SYNE3: variants seen among roughly 807,000 people sequenced by gnomAD.
SYNE3 encodes nesprin-3.
Under a neutral mutation model 111.2 loss-of-function variants are expected in SYNE3, and 100 were observed. The observed-to-expected ratio is 0.90, with a 90% confidence interval of 0.77 to 1.06. The LOEUF (loss-of-function observed/expected upper bound fraction) is 1.06, where lower values mean the gene tolerates loss of function less well. Ranked by LOEUF, SYNE3 falls within the 50% of genes least tolerant of loss-of-function variation. The pLI, the probability that SYNE3 is intolerant of heterozygous loss-of-function variation, is 0.00. For missense variants in SYNE3, 1,160 were observed against 1,240.3 expected, an observed-to-expected ratio of 0.94 and a Z score of 0.97; for synonymous variants, 547 against 533.9, an observed-to-expected ratio of 1.02 and a Z score of -0.34.
intron 1 of SYNE3, among the ~76,000 whole-genome samples, chr14:95,503,972 G>A (rs1364194662): frequency 6.6e-6 from 1 of 152,138 alleles, no homozygotes; most frequent in East Asian, 1.9e-4. Flanking sequence ...GCTCAAACCT[G>A]CAAGACTCAC....
chr14:95,466,504 T>C (rs960380127), intron 3 of SYNE3, among the ~76,000 whole-genome samples: 1 of 152,110 alleles, frequency 6.6e-6, no homozygotes, highest in African/African-American at 2.4e-5. Flanking sequence ...GACTCCAAAC[T>C]TCCTCCCAGA....
At chr14:95,481,906 A>G (rs1173172675) in intron 1 of SYNE3, among the ~76,000 whole-genome samples, 1 of 152,262 alleles carries the variant, frequency 6.6e-6, no homozygotes, top group Non-Finnish European at 1.5e-5. Context: ...CCCGAGGCAG[A>G]TCGCCTGCTG....
chr14:95,502,832 G>A (rs1292512050), intron 1 of SYNE3, among the ~76,000 whole-genome samples: 1 of 152,212 alleles, frequency 6.6e-6, no homozygotes, highest in Non-Finnish European at 1.5e-5. Flanking sequence ...ACAGGACTCA[G>A]AAAAACTTAA....
chr14:95,478,413 A>G (rs1889021524), intron 1 of SYNE3, among the ~76,000 whole-genome samples: 1 of 152,154 alleles, frequency 6.6e-6, no homozygotes, highest in South Asian at 2.1e-4. Flanking sequence ...GGTCGATGTT[A>G]CTGTGACCCC....
At chr14:95,489,148 C>G (rs1226734973) in intron 1 of SYNE3, among the ~76,000 whole-genome samples, 1 of 152,242 alleles carries the variant, frequency 6.6e-6, no homozygotes, top group Non-Finnish European at 1.5e-5. Context: ...GCAGGCAACT[C>G]TCTGAGGACA....
At chr14:95,456,203 T>C in intron 5 of SYNE3, 1 of 174,874 alleles carries the variant, frequency 5.7e-6, no homozygotes. Context: ...AATGAGTCCA[T>C]TTAAATACAA....
In SYNE3 at chr14:95,409,060, C is replaced by A. The variant is rs776162465; in HGVS notation, c.*8766G>T. The A allele has an allele frequency of 2.3e-6, 1 of 433,820 alleles. No individual in the cohort carries two copies. Among genetic ancestry groups the A allele is most frequent in the Admixed American group, 2.4e-5 (1 of 41,146 alleles). 26.9% of individuals were successfully genotyped at this position (433,820 alleles called of 1,614,324 possible). ...TGCTGCCCCTGCTTTGGAATGTTGC[C>A]CTCCAGCTAACTCACCAGCTGCCAG... On this transcript the variant is annotated 3_prime_UTR_variant, in exon 18 of 18. Coordinates refer to ENST00000682763, the MANE Select transcript of SYNE3 (RefSeq NM_152592.6).
intron 15 of SYNE3, 53 bp from the exon 16 acceptor site, chr14:95,433,462 C>T: frequency 1.2e-6 from 2 of 1,603,454 alleles, no homozygotes; most frequent in East Asian, 2.2e-5. Flanking sequence ...CAGACAGCCC[C>T]ACCTGAATGG....
chr14:95,488,140 G>T (rs941231769), intron 1 of SYNE3, among the ~76,000 whole-genome samples: 3 of 152,068 alleles, frequency 2.0e-5, no homozygotes, highest in South Asian at 4.2e-4. Context: ...TATCAGTAAG[G>T]CTTCCAGTCA....
chr14:95,442,946 T>A (rs1348228464), intron 11 of SYNE3, among the ~76,000 whole-genome samples: 1 of 152,116 alleles, frequency 6.6e-6, no homozygotes, highest in African/African-American at 2.4e-5. Flanking sequence ...GCTACCTCCA[T>A]CCTTAGGGCC....
At chr14:95,434,045 G>T (rs1885944523) in intron 15 of SYNE3, among the ~76,000 whole-genome samples, 3 of 152,034 alleles carry the variant, frequency 2.0e-5, no homozygotes, top group African/African-American at 7.3e-5. Context: ...GGAACGGAAA[G>T]TCATTTCTGA....
chr14:95,481,699 C>T (rs17092515), intron 1 of SYNE3, among the ~76,000 whole-genome samples: 16,888 of 152,212 alleles, frequency 0.11, 1,748 homozygotes, highest in African/African-American at 0.25. Flanking sequence ...GAGCAGAGGA[C>T]GGGGAGAAAT....
intron 4 of SYNE3, among the ~76,000 whole-genome samples, chr14:95,463,369 A>G (rs971448220): frequency 6.6e-6 from 1 of 152,202 alleles, no homozygotes. Flanking sequence ...CTGGGCCAGA[A>G]TTGATGCTCA....
chr14:95,456,878 A>G (rs1887474745), intron 5 of SYNE3, among the ~76,000 whole-genome samples: 2 of 152,024 alleles, frequency 1.3e-5, no homozygotes, highest in African/African-American at 4.8e-5. Flanking sequence ...AGGTCAGGAG[A>G]TCGAGACCAT....
chr14:95,454,974 A>G (rs112546317), intron 6 of SYNE3, among the ~76,000 whole-genome samples: 196 of 152,142 alleles, frequency 1.3e-3, no homozygotes, highest in African/African-American at 4.6e-3. Flanking sequence ...TTTGTTCCCC[A>G]TGATCTCCAC....
chr14:95,481,479 G>T (rs1434980992), intron 1 of SYNE3, among the ~76,000 whole-genome samples: 2 of 152,190 alleles, frequency 1.3e-5, no homozygotes, highest in Non-Finnish European at 2.9e-5. Context: ...GGCAATGTTA[G>T]ATGTTCCTAG....
At chr14:95,423,913 A>G (rs142458939) in intron 17 of SYNE3, among the ~76,000 whole-genome samples, 1,352 of 6,654 alleles carry the variant, frequency 0.2, 93 homozygotes, top group Non-Finnish European at 0.23. Flanking sequence ...GATGGGGATG[A>G]GGATTTGATG....
chr14:95,460,112 C>T lies in SYNE3; in HGVS notation c.628-2774G>A, dbSNP rs536910413. Among the ~76,000 whole-genome samples, 9 of 152,240 alleles carry T rather than the reference C, an allele frequency of 5.9e-5. No homozygotes were observed. In the South Asian group the frequency reaches 1.9e-3, roughly 32 times the overall value. ...ACAAGACCCTGTCTCAAAACAGCAACAACAACAACAAAAATTGTTGAGCAC... is the reference window on the plus strand; with the variant it reads ...ACAAGACCCTGTCTCAAAACAGCAATAACAACAACAAAAATTGTTGAGCAC... On this transcript the variant is annotated intron_variant, in intron 4 of 17. Transcript: ENST00000682763.
rs115159972 is a variant in SYNE3 at position 95,431,459 on chromosome 14, G to C, written c.2727+620C>G. ...CTTAGCACAGTTCCTGGCACACACA[G>C]TGGATGGCCAATACATAGCATCTCG... On this transcript the variant is annotated intron_variant, in intron 17 of 17. Transcript: ENST00000682763. Among the ~76,000 whole-genome samples, 1,358 of 152,332 alleles carry C rather than the reference G, an allele frequency of 8.9e-3. 18 individuals carry two copies. Among genetic ancestry groups the C allele is most frequent in the African/African-American group, 0.031 (1,272 of 41,556 alleles).
Sources: allele counts gnomAD v4.1 joint callset (sites outside exome capture counted in the v4.1 genomes callset), GRCh38; gene constraint gnomAD v4.1.1; transcripts MANE v1.5; gene names NCBI Gene and HGNC (gene_info 2026-07-23, HGNC 2026-07-21).